Variants in TRPC4 observed in about 807,000 individuals in gnomAD.
The protein encoded by TRPC4 is short transient receptor potential channel 4.
A neutral mutation model predicts 99.4 loss-of-function variants in TRPC4; 49 were observed. That is an observed-to-expected ratio of 0.49 (90% CI 0.39 to 0.63). TRPC4 has a LOEUF of 0.63. TRPC4 is among the 20% of genes least tolerant of loss of function. The pLI, the probability that TRPC4 is intolerant of heterozygous loss-of-function variation, is 0.00. For synonymous variants in TRPC4, 454 were observed against 425.9 expected (o/e 1.07, Z -0.81); for missense variants, 898 against 1,152.9 (o/e 0.78, Z 3.20).
intron 1 of TRPC4, among the ~76,000 whole-genome samples, chr13:37,827,084 A>G (rs1958250275): frequency 6.6e-6 from 1 of 151,936 alleles, no homozygotes; most frequent in Admixed American, 6.6e-5. Context: ...AGGCTTCTGC[A>G]TTCTTCACGT....
At chr13:37,824,101 G>A (rs1359463974) in intron 1 of TRPC4, among the ~76,000 whole-genome samples, 1 of 148,940 alleles carries the variant, frequency 6.7e-6, no homozygotes, top group Admixed American at 6.8e-5. Flanking sequence ...AAGAATGCTT[G>A]TGATTTTTGT....
At chr13:37,706,259 T>G (rs1321487203) in intron 3 of TRPC4, among the ~76,000 whole-genome samples, 1 of 152,174 alleles carries the variant, frequency 6.6e-6, no homozygotes, top group African/African-American at 2.4e-5. Context: ...TCATGTAAGT[T>G]CCACAGAAAA....
chr13:37,782,489 T>C lies in TRPC4; in HGVS notation c.378+467A>G, dbSNP rs556971994. Among the ~76,000 whole-genome samples the C allele has an allele frequency of 2.0e-5, 3 of 152,152 alleles. No homozygotes were observed. In the South Asian group the frequency reaches 6.2e-4, roughly 32 times the overall value. On this transcript the variant is annotated intron_variant, in intron 2 of 10. Coordinates refer to ENST00000379705, the MANE Select transcript of TRPC4 (RefSeq NM_016179.4). ...GTTAAAGGATAATATCAAAATTAGA[T>C]GGTGCAACTCACTTTTGCAGTAAGC...
chr13:37,783,246 A>G lies in TRPC4; in HGVS notation c.88T>C (p.Ser30Pro), dbSNP rs1956888950. 6.2e-7 allele frequency: 1 copy of G among 1,613,510 alleles called. No homozygotes were observed. The highest frequency in any genetic ancestry group is 8.5e-7 in the Non-Finnish European group (1 of 1,179,758). Residue 30 changes from serine (S) to proline (P), a missense_variant, in exon 2 of 11, where the codon TCG (serine) becomes CCG (proline). Ser to Pro is a moderately conservative substitution (Grantham distance 74). Transcript: ENST00000379705. Reference sequence around the variant, plus strand: ...TTCAAGTAGGCTTTTTCTGATGGCGAGAGTTCTGATTCTGCTCTTACTATC... The same window carrying G: ...TTCAAGTAGGCTTTTTCTGATGGCGGGAGTTCTGATTCTGCTCTTACTATC... ...LRIVRAESEL[S>P]PSEKAYLNAV... is the part of the protein sequence containing the mutation.
intron 3 of TRPC4, among the ~76,000 whole-genome samples, chr13:37,695,319 C>T (rs2138898322): frequency 6.6e-6 from 1 of 152,232 alleles, no homozygotes; most frequent in South Asian, 2.1e-4. Context: ...GAAGGACACC[C>T]TCAGTGAGGG....
intron 1 of TRPC4, among the ~76,000 whole-genome samples, chr13:37,791,975 G>A (rs1019204454): frequency 1.3e-5 from 2 of 152,154 alleles, no homozygotes; most frequent in Non-Finnish European, 2.9e-5. Context: ...GTAGCCAAAG[G>A]ATTCAGGACA....
chr13:37,828,646 A>G (rs1047758538), intron 1 of TRPC4, among the ~76,000 whole-genome samples: 8 of 152,246 alleles, frequency 5.3e-5, no homozygotes, highest in African/African-American at 1.9e-4. Flanking sequence ...GGAATACTAC[A>G]TATCTATGAA....
intron 3 of TRPC4, among the ~76,000 whole-genome samples, chr13:37,701,191 C>T (rs948479260): frequency 1.3e-4 from 20 of 152,216 alleles, no homozygotes; most frequent in African/African-American, 4.3e-4. Flanking sequence ...ATAATTCTGT[C>T]AGTCTTTGAT....
intron 2 of TRPC4, among the ~76,000 whole-genome samples, chr13:37,768,890 G>C (rs1185119251): frequency 1.3e-5 from 2 of 151,416 alleles, no homozygotes; most frequent in African/African-American, 4.8e-5. Flanking sequence ...GGTATACAGT[G>C]AGTGGAATTG....
chr13:37,753,585 G>A (rs71423166), intron 2 of TRPC4, among the ~76,000 whole-genome samples: 24 of 53,936 alleles, frequency 4.4e-4, no homozygotes, highest in Admixed American at 1.3e-3. Flanking sequence ...AAGAGAGAGA[G>A]AGAGAGAGAG....
chr13:37,747,384 C>A (rs975909723), intron 2 of TRPC4, among the ~76,000 whole-genome samples: 5 of 152,146 alleles, frequency 3.3e-5, no homozygotes, highest in African/African-American at 1.2e-4. Flanking sequence ...GTCTGACACC[C>A]AACCCTGAGT....
At chr13:37,686,256 A>C (rs1953471956) in intron 4 of TRPC4, among the ~76,000 whole-genome samples, 2 of 152,162 alleles carry the variant, frequency 1.3e-5, no homozygotes, top group South Asian at 2.1e-4. Flanking sequence ...CAAGACAGGA[A>C]GAATTATATA....
chr13:37,812,189 A>AAAAAAAAAC lies in TRPC4; in HGVS notation c.-27-28830_-27-28829insGTTTTTTTT, dbSNP rs1555276093. 5.7e-4 allele frequency among the ~76,000 whole-genome samples: 85 copies of AAAAAAAAAC among 149,094 alleles called. 5 individuals are homozygous for AAAAAAAAAC. Among genetic ancestry groups the AAAAAAAAAC allele is most frequent in the African/African-American group, 2.0e-3 (80 of 40,534 alleles). ...CTGAGACTCTATCAAAAAAAAAAAA[A>AAAAAAAAAC]AAAAAACCAGGAGATCTAATTGCTT... On this transcript the variant is annotated intron_variant, in intron 1 of 10. Coordinates refer to ENST00000379705, the MANE Select transcript of TRPC4 (RefSeq NM_016179.4).
At chr13:37,724,456 T>C (rs1489176933) in intron 3 of TRPC4, among the ~76,000 whole-genome samples, 1 of 152,212 alleles carries the variant, frequency 6.6e-6, no homozygotes, top group Non-Finnish European at 1.5e-5. Flanking sequence ...TTTAATTGTG[T>C]ATATTGAGCT....
In TRPC4 at chr13:37,637,196, C is replaced by A; in HGVS notation, c.2641G>T (p.Glu881Ter). The change falls in exon 11 of 11, where the codon GAG becomes TAG. Residue 881 changes from glutamate to a stop codon, truncating the protein, a stop_gained. Coordinates refer to ENST00000379705, the MANE Select transcript of TRPC4 (RefSeq NM_016179.4). LOFTEE classifies it high-confidence loss of function. ...VARQQAAGPLERNIQLESRGL... is the reference protein window; with the variant it reads ...VARQQAAGPL ...CGAGATTCCAGTTGAATATTTCTCT[C>A]AAGTGGTCCTGCAGCCTGTTGACGA... The A allele has an allele frequency of 6.2e-7, 1 of 1,613,886 alleles. No homozygotes were observed. Among genetic ancestry groups the A allele is most frequent in the Non-Finnish European group, 8.5e-7 (1 of 1,179,878 alleles).
rs1956178260 is a variant in TRPC4 at position 37,759,770 on chromosome 13, C to T, written c.379-13315G>A. Among the ~76,000 whole-genome samples, 3 of 151,928 alleles carry T rather than the reference C, an allele frequency of 2.0e-5. No homozygotes were observed. In the South Asian group the frequency reaches 6.2e-4, roughly 31 times the overall value. On this transcript the variant is annotated intron_variant, in intron 2 of 10. Transcript: ENST00000379705. ...AGCTAGAGGGATAAAATTATTACAG[C>T]TTTATGGGAGAGTATGCAGTATTTA... is the stretch of plus-strand genomic sequence containing the variant.
chr13:37,636,836 AT>A lies in TRPC4; in HGVS notation c.*66del. Reference sequence around the variant, plus strand: ...TAGCATTTGCTAATACAATTTAAACATTTTCCCCCACCCAGAGCACTACGGA... The same window carrying A: ...TAGCATTTGCTAATACAATTTAAACATTTCCCCCACCCAGAGCACTACGGA... On this transcript the variant is annotated 3_prime_UTR_variant, in exon 11 of 11. Coordinates refer to ENST00000379705, the MANE Select transcript of TRPC4 (RefSeq NM_016179.4). The A allele has an allele frequency of 6.6e-7, 1 of 1,523,616 alleles. No individual in the cohort carries two copies. Among genetic ancestry groups the A allele is most frequent in the Non-Finnish European group, 8.8e-7 (1 of 1,138,488 alleles). The allele number at this position is 1,523,616 out of a possible 1,614,324, so 94.4% of individuals were successfully genotyped here. A position where few individuals can be genotyped will look rare whatever the true frequency, so the allele number is the denominator to read the frequency against.
chr13:37,671,852 C>T (rs746605764), intron 5 of TRPC4, among the ~76,000 whole-genome samples: 8 of 152,132 alleles, frequency 5.3e-5, no homozygotes, highest in Non-Finnish European at 1.2e-4. Context: ...GCAAATCCTT[C>T]AGAAAGGACA....
chr13:37,745,735 G>T (rs538675735), intron 3 of TRPC4, among the ~76,000 whole-genome samples: 16 of 151,506 alleles, frequency 1.1e-4, no homozygotes, highest in African/African-American at 3.1e-4. Context: ...TAAGACAGAG[G>T]CCAAAAACAT....
Sources: allele counts gnomAD v4.1 joint callset (sites outside exome capture counted in the v4.1 genomes callset), GRCh38; gene constraint gnomAD v4.1.1; transcripts MANE v1.5; gene names NCBI Gene and HGNC (gene_info 2026-07-23, HGNC 2026-07-21).